Variants in ZMAT3 observed in about 807,000 individuals in gnomAD.
The protein encoded by ZMAT3 is zinc finger matrin-type 3.
In ZMAT3, 17 loss-of-function variants were observed where a neutral mutation model predicts 32.3. The observed-to-expected ratio is 0.53, with a 90% CI of 0.36 to 0.79. The LOEUF is 0.79. Ranked by LOEUF, ZMAT3 falls within the 30% of genes least tolerant of loss-of-function variation. ZMAT3 has a pLI of 0.00. For synonymous variants in ZMAT3, 120 were observed against 133.1 expected (o/e 0.90, Z 0.68); for missense variants, 329 against 359.7 (o/e 0.91, Z 0.69).
Position 179,053,721 on chromosome 3 carries a change from T to TA in ZMAT3, c.270+13761dup, listed in dbSNP as rs368417410. Among the ~76,000 whole-genome samples the TA allele has an allele frequency of 3.6e-4, 55 of 152,282 alleles. 1 individual carries two copies. Among genetic ancestry groups the TA allele is most frequent in the East Asian group, 9.6e-4 (5 of 5,188 alleles). On this transcript the variant is annotated intron_variant, in intron 2 of 5. Coordinates refer to ENST00000311417, the MANE Select transcript of ZMAT3 (RefSeq NM_022470.4). ...AGTATCATTTCTGTGGTATTCTTGC[T>TA]AAAAAACACATAACCTGAATTTAAT... is the stretch of plus-strand genomic sequence containing the variant.
rs539065392 is a variant in ZMAT3 at position 179,038,536 on chromosome 3, A to C, written c.271-7537T>G. Among the ~76,000 whole-genome samples the C allele has an allele frequency of 7.5e-4, 114 of 152,318 alleles. 2 individuals are homozygous for C. The South Asian group carries it at 8.1e-3, about 11-fold the overall frequency. On this transcript the variant is annotated intron_variant, in intron 2 of 5. Transcript: ENST00000311417. ...GAGGTTGCAGTGAGCCATGACTGCA[A>C]TGCTACACTCCAGCTGGGTGACAGA...
intron 2 of ZMAT3, among the ~76,000 whole-genome samples, chr3:179,057,840 A>G (rs1720930767): frequency 6.6e-6 from 1 of 152,212 alleles, no homozygotes; most frequent in African/African-American, 2.4e-5. Flanking sequence ...TACCCAGAAC[A>G]TTCTATACAC....
In ZMAT3 at chr3:179,020,366, A is replaced by G. The variant is rs1718483723; in HGVS notation, c.*4651T>C. The stretch of plus-strand genomic sequence containing the variant: ...AGAAGCGTTTTATGAGAAGCTATTT[A>G]CACAGCTATTTGTCCATTCAGCCAG... On this transcript the variant is annotated 3_prime_UTR_variant, in exon 6 of 6. Transcript: ENST00000311417. The G allele has an allele frequency of 1.3e-5, 2 of 152,232 alleles. No individual in the cohort carries two copies. The highest frequency in any genetic ancestry group is 1.3e-4 in the Admixed American group (2 of 15,276). 9.4% of individuals were successfully genotyped at this position (152,232 alleles called of 1,614,324 possible). A position where few individuals can be genotyped will look rare whatever the true frequency, so the allele number is the denominator to read the frequency against.
intron 2 of ZMAT3, among the ~76,000 whole-genome samples, chr3:179,049,070 G>A (rs1172584800): frequency 6.6e-6 from 1 of 152,104 alleles, no homozygotes; most frequent in Non-Finnish European, 1.5e-5. Context: ...AGTTAAAAAA[G>A]ACAAAGAGGG....
In ZMAT3 at chr3:179,058,002, A is replaced by C. The variant is rs7626035; in HGVS notation, c.270+9481T>G. Among the ~76,000 whole-genome samples, 858 of 152,342 alleles carry C rather than the reference A, an allele frequency of 5.6e-3. 11 individuals carry two copies. The highest frequency in any genetic ancestry group is 0.02 in the African/African-American group (831 of 41,572). ...ATTTTTCTTTATATGTCACAGAAAA[A>C]ACAGGAATAGCTCTAGGAGTCCTTA... is the stretch of plus-strand genomic sequence containing the variant. On this transcript the variant is annotated intron_variant, in intron 2 of 5. Transcript: ENST00000311417.
At chr3:179,051,572 A>G (rs754446394) in intron 2 of ZMAT3, among the ~76,000 whole-genome samples, 4 of 152,176 alleles carry the variant, frequency 2.6e-5, no homozygotes, top group Non-Finnish European at 5.9e-5. Flanking sequence ...AAATGACCAC[A>G]CTGCAAAAAG....
intron 2 of ZMAT3, among the ~76,000 whole-genome samples, chr3:179,038,263 T>C (rs1243732038): frequency 1.3e-5 from 2 of 152,134 alleles, no homozygotes; most frequent in African/African-American, 2.4e-5. Context: ...TGAGGAGTTA[T>C]CAGTATGTAG....
rs1189869637 is a variant in ZMAT3 at position 179,018,084 on chromosome 3, T to G, written c.*6933A>C. 6.6e-6 allele frequency: 1 copy of G among 152,182 alleles called. No homozygotes were observed. Among genetic ancestry groups the G allele is most frequent in the Non-Finnish European group, 1.5e-5 (1 of 68,032 alleles). The allele number at this position is 152,182 out of a possible 1,614,324, so 9.4% of individuals were successfully genotyped here. A position where few individuals can be genotyped will look rare whatever the true frequency, so the allele number is the denominator to read the frequency against. ...ATGACCAGCCACTCCAAAAGAGTTT[T>G]GTTCCTATACATGCCATATTTGCAG... is the stretch of plus-strand genomic sequence containing the variant. On this transcript the variant is annotated 3_prime_UTR_variant, in exon 6 of 6. Coordinates refer to ENST00000311417, the MANE Select transcript of ZMAT3 (RefSeq NM_022470.4).
intron 2 of ZMAT3, among the ~76,000 whole-genome samples, chr3:179,034,619 C>G (rs1719482471): frequency 1.3e-5 from 2 of 152,202 alleles, no homozygotes; most frequent in South Asian, 4.1e-4. Flanking sequence ...AACCACATAT[C>G]CAGCTTCCTC....
intron 2 of ZMAT3, among the ~76,000 whole-genome samples, chr3:179,043,171 G>T (rs1042452500): frequency 3.9e-5 from 6 of 152,108 alleles, no homozygotes; most frequent in African/African-American, 1.4e-4. Context: ...TAGATTAAAT[G>T]CCATCCCCAT....
chr3:179,054,680 G>A (rs1470944732), intron 2 of ZMAT3, among the ~76,000 whole-genome samples: 1 of 151,970 alleles, frequency 6.6e-6, no homozygotes, highest in Non-Finnish European at 1.5e-5. Context: ...CATTCTTCTG[G>A]TCCGTGTTTG....
At chr3:179,039,830 G>GA (rs1282222340) in intron 2 of ZMAT3, among the ~76,000 whole-genome samples, 1 of 152,038 alleles carries the variant, frequency 6.6e-6, no homozygotes, top group Non-Finnish European at 1.5e-5. Context: ...TAAAAACCTT[G>GA]AAAAAAGGTT....
chr3:179,032,204 G>A (rs1447259236), intron 2 of ZMAT3, among the ~76,000 whole-genome samples: 1 of 151,684 alleles, frequency 6.6e-6, no homozygotes, highest in Non-Finnish European at 1.5e-5. Flanking sequence ...GGGTTTCGCC[G>A]TGTTGGCCGG....
intron 2 of ZMAT3, among the ~76,000 whole-genome samples, chr3:179,043,018 G>C (rs1191649351): frequency 1.3e-5 from 2 of 152,178 alleles, no homozygotes; most frequent in African/African-American, 4.8e-5. Flanking sequence ...ACTTACAAGG[G>C]ATGTGAAGGA....
intron 4 of ZMAT3, 23 bp from the exon 5 acceptor site, chr3:179,027,546 AGAGT>A: frequency 6.2e-7 from 1 of 1,614,200 alleles, no homozygotes; most frequent in South Asian, 1.1e-5. Context: ...AGTTTAAAAA[AGAGT>A]GAGTCTTCTA....
Position 179,067,524 on chromosome 3 carries a change from C to T in ZMAT3, c.229G>A (p.Val77Ile), listed in dbSNP as rs911897604. The T allele has an allele frequency of 2.7e-5, 44 of 1,614,098 alleles. No individual in the cohort carries two copies. The highest frequency in any genetic ancestry group is 3.6e-5 in the Non-Finnish European group (42 of 1,180,050). The change falls in exon 2 of 6, where the codon GTC (valine) becomes ATC (isoleucine). Residue 77 changes from valine to isoleucine, a missense_variant. Coordinates refer to ENST00000311417, the MANE Select transcript of ZMAT3 (RefSeq NM_022470.4). Reference protein sequence around the residue: ...CKPLYCKLCNVTLNSAQQAQA... With the variant: ...CKPLYCKLCNITLNSAQQAQA... Reference sequence around the variant, plus strand: ...GCTTGCTGTGCAGAGTTCAAGGTGACATTGCAGAGTTTGCAGTACAGGGGC... The same window carrying T: ...GCTTGCTGTGCAGAGTTCAAGGTGATATTGCAGAGTTTGCAGTACAGGGGC...
intron 2 of ZMAT3, among the ~76,000 whole-genome samples, chr3:179,064,384 T>C (rs1280404714): frequency 6.6e-6 from 1 of 152,244 alleles, no homozygotes; most frequent in African/African-American, 2.4e-5. Context: ...TCTACAATCA[T>C]TGGCATTCTA....
intron 5 of ZMAT3, among the ~76,000 whole-genome samples, chr3:179,026,284 T>A (rs896376909): frequency 6.6e-6 from 1 of 152,040 alleles, no homozygotes; most frequent in Non-Finnish European, 1.5e-5. Flanking sequence ...ATGGATTTCT[T>A]TCATCCAATT....
At chr3:179,064,122 A>C (rs1203111693) in intron 2 of ZMAT3, among the ~76,000 whole-genome samples, 2 of 152,236 alleles carry the variant, frequency 1.3e-5, no homozygotes, top group Non-Finnish European at 2.9e-5. Context: ...AGGCAATTTG[A>C]AACTCCACGA....
Sources: allele counts gnomAD v4.1 joint callset (sites outside exome capture counted in the v4.1 genomes callset), GRCh38; gene constraint gnomAD v4.1.1; transcripts MANE v1.5; gene names NCBI Gene and HGNC (gene_info 2026-07-23, HGNC 2026-07-21).